Variants in ASAP1 observed in about 807,000 individuals in gnomAD.
The protein encoded by ASAP1 is ArfGAP with SH3 domain, ankyrin repeat and PH domain 1, also known as arf-GAP with SH3 domain, ANK repeat and PH domain-containing protein 1.
Under a neutral mutation model 145.2 loss-of-function variants are expected in ASAP1, and 43 were observed. The observed-to-expected ratio is 0.30, with a 90% confidence interval of 0.23 to 0.38. The LOEUF (loss-of-function observed/expected upper bound fraction) is 0.38. Among genes scored for constraint, ASAP1 ranks in the 10% least tolerant of loss-of-function variants. The pLI is 1.00. For synonymous variants in ASAP1, 546 were observed against 515.5 expected, an observed-to-expected ratio of 1.06 and a Z score of -0.80; for missense variants, 1,018 against 1,355.3, an observed-to-expected ratio of 0.75 and a Z score of 3.91.
At chr8:130,251,220 C>A (rs187814066) in intron 3 of ASAP1, among the ~76,000 whole-genome samples, 7 of 152,212 alleles carry the variant, frequency 4.6e-5, no homozygotes, top group African/African-American at 1.7e-4. Flanking sequence ...GAGTTCAAGA[C>A]CAGCCTGGCC....
chr8:130,402,369 G>A lies in ASAP1; in HGVS notation c.-27-399C>T, dbSNP rs947577956. Among the ~76,000 whole-genome samples, 5 of 152,164 alleles carry A rather than the reference G, an allele frequency of 3.3e-5. No individual in the cohort carries two copies. In the East Asian group the frequency reaches 7.7e-4, roughly 24 times the overall value. ...CACGAGAAAGCAAAAGTGTTCACCC[G>A]GCAAAGGAAACCAGTTGCAGGAAGA... is the stretch of plus-strand genomic sequence containing the variant. On this transcript the variant is annotated intron_variant, in intron 1 of 29. Transcript: ENST00000518721.
intron 11 of ASAP1, among the ~76,000 whole-genome samples, chr8:130,162,646 G>A (rs923461329): frequency 1.4e-5 from 2 of 146,502 alleles, no homozygotes; most frequent in African/African-American, 5.0e-5. Context: ...GTGAAACCCC[G>A]TCTCTACTAA....
intron 24 of ASAP1, among the ~76,000 whole-genome samples, chr8:130,100,580 C>T (rs1331843828): frequency 2.6e-5 from 4 of 152,112 alleles, no homozygotes; most frequent in African/African-American, 4.8e-5. Context: ...CTACCCACCT[C>T]GGCCTCCCAA....
intron 7 of ASAP1, among the ~76,000 whole-genome samples, chr8:130,183,952 A>C (rs1267068475): frequency 6.6e-6 from 1 of 152,204 alleles, no homozygotes; most frequent in East Asian, 1.9e-4. Context: ...GACACAATTT[A>C]ATACTAATAG....
chr8:130,154,467 C>T (rs2097653851), intron 12 of ASAP1, among the ~76,000 whole-genome samples: 2 of 152,298 alleles, frequency 1.3e-5, no homozygotes, highest in South Asian at 4.1e-4. Flanking sequence ...AGACTAACTA[C>T]TTCCATCAGA....
intron 2 of ASAP1, chr8:130,361,533 G>A: frequency 1.4e-6 from 1 of 694,816 alleles, no homozygotes; most frequent in South Asian, 1.6e-5. Context: ...TGAAGATTAT[G>A]TTATGTATCT....
At chr8:130,163,967 A>T (rs1360807040) in intron 11 of ASAP1, among the ~76,000 whole-genome samples, 3 of 152,230 alleles carry the variant, frequency 2.0e-5, no homozygotes, top group Non-Finnish European at 2.9e-5. Flanking sequence ...TTATACATTC[A>T]TTGATTTAAT....
intron 27 of ASAP1, among the ~76,000 whole-genome samples, chr8:130,074,440 AACACAC>A (rs57005471): frequency 0.017 from 2,046 of 119,304 alleles, 44 homozygotes; most frequent in African/African-American, 0.048. Flanking sequence ...CCAAATAGTA[AACACAC>A]ACACACACAC....
At chr8:130,228,231 C>T (rs1817698564) in intron 4 of ASAP1, among the ~76,000 whole-genome samples, 1 of 152,108 alleles carries the variant, frequency 6.6e-6, no homozygotes, top group South Asian at 2.1e-4. Context: ...CTAGGAGCAT[C>T]CTAGCTCCTC....
At chr8:130,377,825 G>T (rs1204518642) in intron 2 of ASAP1, among the ~76,000 whole-genome samples, 1 of 152,150 alleles carries the variant, frequency 6.6e-6, no homozygotes, top group East Asian at 1.9e-4. Context: ...GCTTCCCAGA[G>T]GCCTCCTCTC....
intron 3 of ASAP1, among the ~76,000 whole-genome samples, chr8:130,323,412 C>CTA (rs1824134303): frequency 6.6e-6 from 1 of 152,196 alleles, no homozygotes; most frequent in Admixed American, 6.5e-5. Context: ...GTAACCAACA[C>CTA]TATCAGACAA....
chr8:130,432,177 G>A (rs1587042603), intron 1 of ASAP1, among the ~76,000 whole-genome samples: 4 of 143,598 alleles, frequency 2.8e-5, no homozygotes, highest in Non-Finnish European at 4.5e-5. Flanking sequence ...GGGGAAAGGG[G>A]GAGAAGGGAG....
Position 130,358,126 on chromosome 8 carries a change from G to C in ASAP1, c.77C>G (p.Ser26Cys), listed in dbSNP as rs1463399615. The C allele has an allele frequency of 6.2e-7, 1 of 1,607,828 alleles. No homozygotes were observed. Among genetic ancestry groups the C allele is most frequent in the African/African-American group, 1.3e-5 (1 of 74,810 alleles). ...GGTCTCGGCGATGAACTCCGAGACA[G>C]AGATCTGGTCCGGCATCCTGCCGGG... ...SLWNRMPDQI[S>C]VSEFIAETTE... The change falls in exon 3 of 30, where the codon TCT becomes TGT. Residue 26 changes from serine (S) to cysteine (C), a missense_variant. Around this residue, in one of 9 missense-constraint regions of ASAP1, gnomAD observed 106 missense variants for 134.5 expected, o/e 0.79. Coordinates refer to ENST00000518721, the MANE Select transcript of ASAP1 (RefSeq NM_018482.4). This position sits in a 1 kb window ranked among gnomAD's most constrained non-coding sequence, Gnocchi z 4.1.
chr8:130,219,265 C>CGTTA (rs1278717363), intron 4 of ASAP1, among the ~76,000 whole-genome samples: 2 of 129,354 alleles, frequency 1.5e-5, no homozygotes, highest in African/African-American at 5.4e-5. Context: ...CACACATGTC[C>CGTTA]CCTAACACAC....
intron 3 of ASAP1, chr8:130,340,925 C>T (rs770506601): frequency 2.0e-5 from 9 of 455,012 alleles, no homozygotes; most frequent in African/African-American, 1.0e-4. Flanking sequence ...CCAAAGTCTT[C>T]AAGGGAATAA....
At chr8:130,143,411 G>GC (rs372376151) in intron 13 of ASAP1, among the ~76,000 whole-genome samples, 4 of 142,092 alleles carry the variant, frequency 2.8e-5, no homozygotes, top group Non-Finnish European at 6.1e-5. Context: ...TGAGATGTCT[G>GC]TTTTTTTTTT....
intron 13 of ASAP1, among the ~76,000 whole-genome samples, chr8:130,146,377 C>T (rs1355579052): frequency 6.6e-6 from 1 of 152,172 alleles, no homozygotes; most frequent in Non-Finnish European, 1.5e-5. Flanking sequence ...AGCACATACT[C>T]TAACCAAATG....
intron 3 of ASAP1, among the ~76,000 whole-genome samples, chr8:130,254,660 T>C (rs747658103): frequency 1.6e-4 from 25 of 152,188 alleles, no homozygotes; most frequent in Non-Finnish European, 3.5e-4. Flanking sequence ...CTGTAAATTA[T>C]GACCCTTATG....
At chr8:130,406,054 G>A (rs117327577) in intron 1 of ASAP1, among the ~76,000 whole-genome samples, 23 of 152,268 alleles carry the variant, frequency 1.5e-4, no homozygotes, top group Admixed American at 2.6e-4. Context: ...ATACTAAGGC[G>A]ATTTCATTTC....
Sources: gnomAD v4.1 joint callset for allele counts (sites outside exome capture counted in the v4.1 genomes callset) on GRCh38, gnomAD v4.1.1 for gene constraint, gnomAD v4.1.1 regional missense constraint, Gnocchi (gnomAD v3.1) non-coding constraint, MANE v1.5 for transcripts, NCBI Gene and HGNC (gene_info 2026-07-23, HGNC 2026-07-21) for gene names.